The following SPAST variants were observed in gnomAD, a reference collection of about 807,000 sequenced individuals.
The protein encoded by SPAST is spastin, also known as spastic paraplegia 4 (autosomal dominant; spastin).
SPAST carries 30 observed loss-of-function variants against 76.6 expected under a neutral mutation model. The ratio of observed to expected loss-of-function variants is 0.39; its 90% confidence interval spans 0.29 to 0.53. The LOEUF (loss-of-function observed/expected upper bound fraction) is 0.53, where lower values mean the gene tolerates loss of function less well. Ranked by LOEUF, SPAST falls within the 20% of genes least tolerant of loss-of-function variation. SPAST has a pLI of 0.68. For synonymous variants in SPAST, 305 were observed against 281.0 expected, an observed-to-expected ratio of 1.09 and a Z score of -0.86; for missense variants, 717 against 770.5, an observed-to-expected ratio of 0.93 and a Z score of 0.82.
chr2:32,123,261 C>A (rs77370545), intron 7 of SPAST, among the ~76,000 whole-genome samples: 17 of 143,016 alleles, frequency 1.2e-4, no homozygotes, highest in Admixed American at 2.8e-4. Flanking sequence ...GACTCCGTCT[C>A]AAAAAAAAAA....
At chr2:32,112,547 C>A (rs559907724) in intron 4 of SPAST, among the ~76,000 whole-genome samples, 9 of 152,234 alleles carry the variant, frequency 5.9e-5, no homozygotes, top group Admixed American at 1.3e-4. Flanking sequence ...GGGGTTTCAC[C>A]ACATTGGTCA....
intron 9 of SPAST, among the ~76,000 whole-genome samples, chr2:32,134,719 A>G (rs1188057464): frequency 1.3e-5 from 2 of 152,058 alleles, no homozygotes; most frequent in African/African-American, 4.8e-5. Context: ...TTTTGGGACA[A>G]GGTCTCACTT....
At chr2:32,073,820 C>CA (rs1391257052) in intron 1 of SPAST, among the ~76,000 whole-genome samples, 1 of 152,176 alleles carries the variant, frequency 6.6e-6, no homozygotes, top group Non-Finnish European at 1.5e-5. Context: ...AGAAAAATGT[C>CA]AAAATCTGTG....
chr2:32,063,585 G>T lies in SPAST; in HGVS notation c.-247G>T, dbSNP rs1676367823. 1 of 520,034 alleles carries T rather than the reference G, an allele frequency of 1.9e-6. No individual in the cohort carries two copies. The highest frequency in any genetic ancestry group is 2.0e-5 in the African/African-American group (1 of 48,782). The allele number at this position is 520,034 out of a possible 1,614,324, so 32.2% of individuals were successfully genotyped here. ...CCGCCGCTGGGAGCCACCAGGCGGC[G>T]GAGAGGACAGCGACAGGAAGGGAGG... On this transcript the variant is annotated 5_prime_UTR_variant, in exon 1 of 17. Transcript: ENST00000315285.
chr2:32,138,704 G>A (rs1488704742), intron 12 of SPAST, among the ~76,000 whole-genome samples: 1 of 152,126 alleles, frequency 6.6e-6, no homozygotes, highest in Non-Finnish European at 1.5e-5. Context: ...TGTTGCAATT[G>A]TGTTTGGGGA....
At position 32,142,219 on chromosome 2, in the gene SPAST, A is replaced by T. The variant is rs148644809; in HGVS notation, c.1536+273A>T. 2.9e-3 allele frequency among the ~76,000 whole-genome samples: 435 copies of T among 152,292 alleles called. 1 individual carries two copies. Among genetic ancestry groups the T allele is most frequent in the Middle Eastern group, 6.8e-3 (2 of 294 alleles). On this transcript the variant is annotated intron_variant, in intron 13 of 16. Coordinates refer to ENST00000315285, the MANE Select transcript of SPAST (RefSeq NM_014946.4). Reference sequence around the variant, plus strand: ...TAGCCAGAACTACAAATGATCTAAAATGTTTATTTTGGTGAATAAACAAAT... The same window carrying T: ...TAGCCAGAACTACAAATGATCTAAATTGTTTATTTTGGTGAATAAACAAAT...
chr2:32,082,462 C>G (rs754324314), intron 1 of SPAST, among the ~76,000 whole-genome samples: 9 of 151,694 alleles, frequency 5.9e-5, no homozygotes, highest in Non-Finnish European at 1.3e-4. Flanking sequence ...TTTGGGAGGC[C>G]GAGGCAGGTG....
intron 4 of SPAST, among the ~76,000 whole-genome samples, chr2:32,100,661 C>G (rs1573091031): frequency 6.6e-6 from 1 of 152,180 alleles, no homozygotes; most frequent in East Asian, 1.9e-4. Context: ...CACCCTGTGT[C>G]CAAGTGTTCT....
At chr2:32,152,207 T>G (rs116712350) in intron 16 of SPAST, among the ~76,000 whole-genome samples, 2 of 152,226 alleles carry the variant, frequency 1.3e-5, no homozygotes, top group African/African-American at 4.8e-5. Context: ...AAATATCATA[T>G]AAGTTTCATA....
chr2:32,066,834 C>G (rs13017027), intron 1 of SPAST, among the ~76,000 whole-genome samples: 22 of 151,822 alleles, frequency 1.4e-4, no homozygotes, highest in African/African-American at 4.8e-4. Context: ...ATTAGCTAGG[C>G]GCAGTGGCAA....
chr2:32,091,857 GATAA>G (rs1376121073), intron 3 of SPAST, among the ~76,000 whole-genome samples: 3 of 151,360 alleles, frequency 2.0e-5, no homozygotes, highest in Non-Finnish European at 4.4e-5. Flanking sequence ...AAAATAAATA[GATAA>G]ATAATAATAA....
chr2:32,110,814 A>AGT (rs1479924935), intron 4 of SPAST, among the ~76,000 whole-genome samples: 24 of 130,460 alleles, frequency 1.8e-4, no homozygotes, highest in Non-Finnish European at 2.6e-4. Context: ...TATACTATAT[A>AGT]GTATATAGAG....
chr2:32,120,590 T>TTC (rs1553315992), intron 7 of SPAST, among the ~76,000 whole-genome samples: 23 of 150,990 alleles, frequency 1.5e-4, no homozygotes, highest in Non-Finnish European at 2.7e-4. Context: ...TTTTTTTTTT[T>TTC]CCCAGAATAC....
intron 7 of SPAST, among the ~76,000 whole-genome samples, chr2:32,120,601 C>A (rs1487656005): frequency 6.9e-6 from 1 of 145,882 alleles, no homozygotes; most frequent in South Asian, 2.2e-4. Context: ...CCCAGAATAC[C>A]TTTTCCTGGA....
intron 9 of SPAST, chr2:32,129,609 A>T (rs2148747350): frequency 6.6e-6 from 1 of 152,190 alleles, no homozygotes; most frequent in South Asian, 2.1e-4. Context: ...TTTCTGTCAA[A>T]CCTTACACTG....
rs193161863 is a variant in SPAST, at chr2:32,111,420, T to C, written c.683-3218T>C. On this transcript the variant is annotated intron_variant, in intron 4 of 16. Coordinates refer to ENST00000315285, the MANE Select transcript of SPAST (RefSeq NM_014946.4). Reference sequence around the variant, plus strand: ...AGTATATATATAGTATACTGTATAGTGTATAGAGTATATATATAGTATACT... The same window carrying C: ...AGTATATATATAGTATACTGTATAGCGTATAGAGTATATATATAGTATACT... 1.6e-3 allele frequency among the ~76,000 whole-genome samples: 236 copies of C among 146,420 alleles called. 1 individual carries two copies. Among genetic ancestry groups the C allele is most frequent in the East Asian group, 7.0e-3 (30 of 4,316 alleles).
chr2:32,133,513 G>C (rs1679437294), intron 9 of SPAST, among the ~76,000 whole-genome samples: 1 of 152,168 alleles, frequency 6.6e-6, no homozygotes, highest in Admixed American at 6.5e-5. Context: ...TTGTGTGTAT[G>C]TGTATTTGGC....
Position 32,116,287 on chromosome 2 carries a change from A to G in SPAST, c.1098+75A>G, listed in dbSNP as rs1467750606. The G allele has an allele frequency of 9.8e-6, 9 of 918,956 alleles. No individual in the cohort carries two copies. In the East Asian group the frequency reaches 2.2e-4, roughly 23 times the overall value. 56.9% of individuals were successfully genotyped at this position (918,956 alleles called of 1,614,324 possible). A position where few individuals can be genotyped will look rare whatever the true frequency, so the allele number is the denominator to read the frequency against. ...CCATAGTAGTAGTAGTAGTAAAGAA[A>G]TATTTGAGCTATACTAAAATAATTA... is the stretch of plus-strand genomic sequence containing the variant. On this transcript the variant is annotated intron_variant, in intron 7 of 16. Coordinates refer to ENST00000315285, the MANE Select transcript of SPAST (RefSeq NM_014946.4).
chr2:32,075,681 A>G (rs1479806135), intron 1 of SPAST, among the ~76,000 whole-genome samples: 1 of 141,384 alleles, frequency 7.1e-6, no homozygotes, highest in Non-Finnish European at 1.5e-5. Flanking sequence ...TCACAAGTAG[A>G]TGGGACTACA....
Sources: allele counts gnomAD v4.1 joint callset (sites outside exome capture counted in the v4.1 genomes callset), GRCh38; gene constraint gnomAD v4.1.1; transcripts MANE v1.5; gene names NCBI Gene and HGNC (gene_info 2026-07-23, HGNC 2026-07-21).